CSMD1: variants seen among roughly 807,000 people sequenced by gnomAD.
CSMD1 encodes CUB and sushi domain-containing protein 1.
In CSMD1, 213 loss-of-function variants were observed where a neutral mutation model predicts 417.5. The observed-to-expected ratio is 0.51, with a 90% confidence interval of 0.46 to 0.57. The LOEUF is 0.57. CSMD1 is among the 20% of genes least tolerant of loss of function. The pLI is 0.00. For synonymous variants in CSMD1, 2,862 were observed against 1,736.8 expected, an observed-to-expected ratio of 1.65 and a Z score of -16.11; for missense variants, 6,923 against 4,529.7, an observed-to-expected ratio of 1.53 and a Z score of -15.17.
chr8:3,443,251 T>A (rs1156522631), intron 12 of CSMD1, among the ~76,000 whole-genome samples: 1 of 152,166 alleles, frequency 6.6e-6, no homozygotes, highest in African/African-American at 2.4e-5. Flanking sequence ...AAAGAGCTCA[T>A]CAATAGATGG....
At chr8:2,978,340 C>T (rs1279492087) in intron 55 of CSMD1, among the ~76,000 whole-genome samples, 2 of 152,152 alleles carry the variant, frequency 1.3e-5, no homozygotes, top group East Asian at 3.9e-4. Flanking sequence ...ATGAGAAAAA[C>T]AGATAAAGGC....
At position 3,249,980 on chromosome 8, in the gene CSMD1, C is replaced by T. The variant is rs576732008; in HGVS notation, c.4154-19749G>A. ...GCATGTCAGGTTAAAAACTAGTGAA[C>T]AGTATTTCAAAAATGTAGGTTATTA... On this transcript the variant is annotated intron_variant, in intron 26 of 69. Coordinates refer to ENST00000635120, the MANE Select transcript of CSMD1 (RefSeq NM_033225.6). Among the ~76,000 whole-genome samples, 34 of 152,234 alleles carry T rather than the reference C, an allele frequency of 2.2e-4. No homozygotes were observed. In the South Asian group the frequency reaches 6.8e-3, roughly 31 times the overall value.
intron 1 of CSMD1, among the ~76,000 whole-genome samples, chr8:4,662,663 C>T (rs993681957): frequency 2.0e-5 from 3 of 152,204 alleles, no homozygotes; most frequent in African/African-American, 4.8e-5. Flanking sequence ...GCCGCCACTT[C>T]GTTTTGTGGT....
chr8:3,915,076 A>T (rs1250847097), intron 5 of CSMD1, among the ~76,000 whole-genome samples: 2 of 152,156 alleles, frequency 1.3e-5, no homozygotes, highest in Non-Finnish European at 2.9e-5. Flanking sequence ...TGAATTAATT[A>T]GGGATCGGAA....
At chr8:3,097,459 G>GC (rs1554511570) in intron 46 of CSMD1, among the ~76,000 whole-genome samples, 1 of 152,126 alleles carries the variant, frequency 6.6e-6, no homozygotes, top group South Asian at 2.1e-4. Flanking sequence ...TATACAGTAG[G>GC]CCCCCTTACC....
intron 1 of CSMD1, among the ~76,000 whole-genome samples, chr8:4,839,463 G>C (rs567268517): frequency 1.3e-5 from 2 of 152,224 alleles, no homozygotes; most frequent in South Asian, 2.1e-4. Flanking sequence ...CATTTAGAAT[G>C]ACATTTGCAC....
At chr8:3,739,190 T>C (rs1328169305) in intron 6 of CSMD1, among the ~76,000 whole-genome samples, 2 of 152,194 alleles carry the variant, frequency 1.3e-5, no homozygotes, top group Admixed American at 6.5e-5. Flanking sequence ...CCGGATACTG[T>C]AAGGAATGCA....
At chr8:3,101,547 G>C (rs768848182) in intron 46 of CSMD1, among the ~76,000 whole-genome samples, 15 of 150,318 alleles carry the variant, frequency 1.0e-4, no homozygotes, top group Admixed American at 2.7e-4. Flanking sequence ...CTCAGCCTCC[G>C]GAGTAGCTGG....
intron 8 of CSMD1, among the ~76,000 whole-genome samples, chr8:3,589,324 C>T (rs1450648347): frequency 2.0e-5 from 3 of 151,790 alleles, no homozygotes; most frequent in South Asian, 2.1e-4. Flanking sequence ...ATAGCCAAGT[C>T]GTGGAATCAA....
At chr8:3,406,966 G>C (rs973040061) in intron 14 of CSMD1, among the ~76,000 whole-genome samples, 1 of 152,142 alleles carries the variant, frequency 6.6e-6, no homozygotes, top group Non-Finnish European at 1.5e-5. Flanking sequence ...CTACTTTGTT[G>C]CAAGAAAGAT....
chr8:4,561,414 G>A (rs1167782358), intron 2 of CSMD1, among the ~76,000 whole-genome samples: 2 of 152,178 alleles, frequency 1.3e-5, no homozygotes, highest in South Asian at 2.1e-4. Flanking sequence ...CAGGCACAGT[G>A]GCTCATGCCT....
At chr8:4,891,910 A>G (rs565801749) in intron 1 of CSMD1, among the ~76,000 whole-genome samples, 1 of 152,224 alleles carries the variant, frequency 6.6e-6, no homozygotes, top group African/African-American at 2.4e-5. Flanking sequence ...TAGCAAACAA[A>G]CAGATGGTAG....
Position 4,786,120 on chromosome 8 carries a change from C to A in CSMD1, c.86-148562G>T, listed in dbSNP as rs1181630869. Among the ~76,000 whole-genome samples, 3 of 152,108 alleles carry A rather than the reference C, an allele frequency of 2.0e-5. 1 individual carries two copies. The highest frequency in any genetic ancestry group is 7.2e-5 in the African/African-American group (3 of 41,414). On this transcript the variant is annotated intron_variant, in intron 1 of 69. Transcript: ENST00000635120. ...TGTAAGACCAAAAAAAATAAATATC[C>A]TGTTTGCTTCTAAAAATGGATTTTA...
intron 5 of CSMD1, among the ~76,000 whole-genome samples, chr8:3,896,502 TTAC>T (rs1265133992): frequency 6.6e-6 from 1 of 151,790 alleles, no homozygotes; most frequent in Non-Finnish European, 1.5e-5. Flanking sequence ...TTGAATATTA[TTAC>T]TATTATTATT....
intron 3 of CSMD1, among the ~76,000 whole-genome samples, chr8:4,233,168 A>C (rs1801846277): frequency 6.6e-6 from 1 of 152,236 alleles, no homozygotes; most frequent in Non-Finnish European, 1.5e-5. Flanking sequence ...ATTTTAATAG[A>C]AGCAACAACA....
intron 8 of CSMD1, among the ~76,000 whole-genome samples, chr8:3,586,956 G>A (rs375482507): frequency 1.2e-4 from 18 of 152,184 alleles, no homozygotes; most frequent in East Asian, 3.9e-4. Flanking sequence ...TGCACAACTA[G>A]GCCCGGCTAA....
At chr8:2,947,586 T>C (rs1388490098) in intron 68 of CSMD1, among the ~76,000 whole-genome samples, 1 of 152,188 alleles carries the variant, frequency 6.6e-6, no homozygotes, top group Non-Finnish European at 1.5e-5. Flanking sequence ...AGAAAACGTG[T>C]AATAGCAAAC....
chr8:3,141,860 C>G (rs773141261), intron 41 of CSMD1, among the ~76,000 whole-genome samples: 114 of 150,172 alleles, frequency 7.6e-4, no homozygotes, highest in Non-Finnish European at 1.2e-3. Flanking sequence ...TGCAGTGGCG[C>G]GATCTCTCCT....
chr8:4,096,917 T>C (rs995623952), intron 3 of CSMD1, among the ~76,000 whole-genome samples: 2 of 152,178 alleles, frequency 1.3e-5, no homozygotes, highest in South Asian at 2.1e-4. Context: ...TTATACATAA[T>C]TGCAGAGCAA....
Sources: gnomAD v4.1 joint callset for allele counts (sites outside exome capture counted in the v4.1 genomes callset) on GRCh38, gnomAD v4.1.1 for gene constraint, MANE v1.5 for transcripts, NCBI Gene and HGNC (gene_info 2026-07-23, HGNC 2026-07-21) for gene names.